The following CFAP221 variants were observed in gnomAD, a reference collection of about 807,000 sequenced individuals.
The protein encoded by CFAP221 is cilia- and flagella-associated protein 221.
CFAP221 carries 97 observed loss-of-function variants against 113.1 expected under a neutral mutation model. That is an observed-to-expected ratio of 0.86 (90% CI 0.73 to 1.02). The LOEUF is 1.02. Ranked by LOEUF, CFAP221 falls within the 50% of genes least tolerant of loss-of-function variation. The pLI, the probability that CFAP221 is intolerant of heterozygous loss-of-function variation, is 0.00. For missense variants in CFAP221, 1,025 were observed against 1,013.4 expected, an observed-to-expected ratio of 1.01 and a Z score of -0.16; for synonymous variants, 331 against 354.4, an observed-to-expected ratio of 0.93 and a Z score of 0.74.
chr2:119,594,000 TG>T (rs887047525), intron 7 of CFAP221, among the ~76,000 whole-genome samples: 1 of 152,170 alleles, frequency 6.6e-6, no homozygotes, highest in Non-Finnish European at 1.5e-5. Flanking sequence ...CCTCCAACAG[TG>T]GGAACCACAT....
chr2:119,631,439 C>A (rs1686768047), intron 19 of CFAP221, among the ~76,000 whole-genome samples: 1 of 152,280 alleles, frequency 6.6e-6, no homozygotes, highest in Admixed American at 6.5e-5. Flanking sequence ...TTTAGGAAGC[C>A]AAGCCGGCAG....
chr2:119,648,448 C>T (rs1318906714), intron 22 of CFAP221: 2 of 316,856 alleles, frequency 6.3e-6, no homozygotes, highest in Non-Finnish European at 1.4e-5. Context: ...TAAAGGAGCA[C>T]CTGGATCTGC....
At chr2:119,586,762 A>C (rs1683252006) in intron 6 of CFAP221, 1 of 164,150 alleles carries the variant, frequency 6.1e-6, no homozygotes, top group African/African-American at 2.4e-5. Flanking sequence ...AATAAACTTA[A>C]CAGTACTCGA....
chr2:119,644,602 A>G (rs1347493853), intron 21 of CFAP221, among the ~76,000 whole-genome samples: 1 of 152,116 alleles, frequency 6.6e-6, no homozygotes, highest in African/African-American at 2.4e-5. Flanking sequence ...ATGTATACAC[A>G]TTGCTTCTGG....
chr2:119,657,581 C>G (rs1688484091), downstream of CFAP221, among the ~76,000 whole-genome samples: 1 of 152,224 alleles, frequency 6.6e-6, no homozygotes, highest in South Asian at 2.1e-4. Flanking sequence ...ATATTTTACT[C>G]AGATTCCTCT....
chr2:119,652,267 C>G (rs553593809), intron 23 of CFAP221, among the ~76,000 whole-genome samples, 198 bp downstream of exon 23: 1 of 152,104 alleles, frequency 6.6e-6, no homozygotes, highest in African/African-American at 2.4e-5. Flanking sequence ...ATCAAGTAAG[C>G]CTTTAAAAAC....
intron 7 of CFAP221, among the ~76,000 whole-genome samples, chr2:119,597,940 CCTT>C (rs978382044): frequency 6.6e-6 from 1 of 152,144 alleles, no homozygotes; most frequent in Non-Finnish European, 1.5e-5. Context: ...AGCCTCCAGT[CCTT>C]CTGTTGCTTA....
chr2:119,620,082 G>A (rs1474876744), intron 14 of CFAP221, among the ~76,000 whole-genome samples: 1 of 152,136 alleles, frequency 6.6e-6, no homozygotes, highest in African/African-American at 2.4e-5. Context: ...CAAGAAATGT[G>A]GGACTATATG....
At chr2:119,646,136 A>G (rs553701037) in intron 21 of CFAP221, among the ~76,000 whole-genome samples, 20 of 152,332 alleles carry the variant, frequency 1.3e-4, no homozygotes, top group African/African-American at 4.8e-4. Context: ...TAAACAATAC[A>G]CAAGGAGGTG....
chr2:119,586,982 G>C, intron 6 of CFAP221, 137 bp from the exon 7 acceptor site: 2 of 581,200 alleles, frequency 3.4e-6, no homozygotes, highest in East Asian at 3.0e-5. Context: ...GGTTACTCCT[G>C]GCACACAGGA....
chr2:119,550,411 C>T (rs780567998), intron 3 of CFAP221, among the ~76,000 whole-genome samples: 11 of 152,068 alleles, frequency 7.2e-5, no homozygotes, highest in Non-Finnish European at 1.5e-4. Flanking sequence ...AAGTGAGTAG[C>T]GAGAATAGAT....
Position 119,594,832 on chromosome 2 carries a change from A to T in CFAP221, c.632-6386A>T, listed in dbSNP as rs1162104595. ...TGAAGTAGATTCCATTATTCTGTCC[A>T]CTTTGCTGATGAGGAAGCTGAGGCA... On this transcript the variant is annotated intron_variant, in intron 7 of 23. Coordinates refer to ENST00000413369, the MANE Select transcript of CFAP221 (RefSeq NM_001271049.2). Among the ~76,000 whole-genome samples, 4 of 152,168 alleles carry T rather than the reference A, an allele frequency of 2.6e-5. No homozygotes were observed. The East Asian group carries it at 7.7e-4, about 29-fold the overall frequency.
chr2:119,574,745 T>C (rs1682316808), intron 6 of CFAP221, among the ~76,000 whole-genome samples: 1 of 152,158 alleles, frequency 6.6e-6, no homozygotes, highest in African/African-American at 2.4e-5. Context: ...TTTAATGTAG[T>C]TTCTAGCATG....
chr2:119,609,402 A>G (rs1416017781), intron 12 of CFAP221, among the ~76,000 whole-genome samples: 2 of 152,228 alleles, frequency 1.3e-5, no homozygotes, highest in Non-Finnish European at 2.9e-5. Flanking sequence ...ATTTTCTCAT[A>G]GTTCTGGAGG....
intron 5 of CFAP221, 126 bp downstream of exon 5, chr2:119,560,152 G>A (rs1681139565): frequency 8.2e-6 from 6 of 735,134 alleles, no homozygotes; most frequent in South Asian, 7.6e-5. Context: ...AGTACCGGGT[G>A]TTCCCCAGGT....
At chr2:119,645,771 A>T (rs1471656126) in intron 21 of CFAP221, among the ~76,000 whole-genome samples, 1 of 152,118 alleles carries the variant, frequency 6.6e-6, no homozygotes, top group East Asian at 1.9e-4. Context: ...ATCTGTGAGG[A>T]GGTCTGTTTC....
At chr2:119,641,159 C>G (rs1669535056) in intron 21 of CFAP221, among the ~76,000 whole-genome samples, 1 of 152,112 alleles carries the variant, frequency 6.6e-6, no homozygotes, top group South Asian at 2.1e-4. Context: ...CTGAACTAAG[C>G]CAAATGCAGC....
intron 20 of CFAP221, 58 bp from the exon 21 acceptor site, chr2:119,639,723 C>G (rs1317294878): frequency 7.4e-7 from 1 of 1,358,764 alleles, no homozygotes. Context: ...AAACAAAAGT[C>G]CTTCAGAAAC....
chr2:119,604,984 G>T lies in CFAP221; in HGVS notation c.1021G>T (p.Glu341Ter), dbSNP rs1014127494. 14 of 1,613,548 alleles carry T rather than the reference G, an allele frequency of 8.7e-6. No individual in the cohort carries two copies. The highest frequency in any genetic ancestry group is 1.2e-5 in the Non-Finnish European group (14 of 1,179,540). Reference sequence around the variant, plus strand: ...AAAATTGAAGATTAAAGAATTAAGAGAAGGTAACCAGTTGATTGGCCATAA... The same window carrying T: ...AAAATTGAAGATTAAAGAATTAAGATAAGGTAACCAGTTGATTGGCCATAA... ...PGKLKIKELR[E>*]VLDQGTEISK... The change falls in exon 10 of 24, where the codon GAA becomes TAA. Residue 341 changes from glutamate to a stop codon, truncating the protein, a stop_gained. Transcript: ENST00000413369. LOFTEE classifies it high-confidence loss of function.
Sources: gnomAD v4.1 joint callset for allele counts (sites outside exome capture counted in the v4.1 genomes callset) on GRCh38, gnomAD v4.1.1 for gene constraint, MANE v1.5 for transcripts, NCBI Gene and HGNC (gene_info 2026-07-23, HGNC 2026-07-21) for gene names.